Variants in PPP2R2A observed in about 807,000 individuals in gnomAD.
PPP2R2A encodes the protein serine/threonine-protein phosphatase 2A 55 kDa regulatory subunit B alpha isoform.
Under a neutral mutation model 53.2 loss-of-function variants are expected in PPP2R2A, and 9 were observed. The observed-to-expected ratio is 0.17, with a 90% CI of 0.10 to 0.30. The LOEUF (loss-of-function observed/expected upper bound fraction) is 0.30. Ranked by LOEUF, PPP2R2A falls within the 10% of genes least tolerant of loss-of-function variation. The probability of loss-of-function intolerance (pLI) is 1.00; values close to 1 mark genes in which losing one functional copy is unlikely to be tolerated. For synonymous variants in PPP2R2A, 169 were observed against 174.2 expected, an observed-to-expected ratio of 0.97 and a Z score of 0.23; for missense variants, 235 against 534.6, an observed-to-expected ratio of 0.44 and a Z score of 5.53.
intron 3 of PPP2R2A, among the ~76,000 whole-genome samples, chr8:26,346,396 C>T (rs1394397637): frequency 6.6e-6 from 1 of 152,112 alleles, no homozygotes; most frequent in Non-Finnish European, 1.5e-5. Flanking sequence ...CCACTTAGGC[C>T]TCCCAAAGTG....
intron 2 of PPP2R2A, among the ~76,000 whole-genome samples, chr8:26,310,730 A>T: frequency 6.9e-6 from 1 of 145,020 alleles, no homozygotes; most frequent in East Asian, 2.0e-4. Context: ...GTTGGTGTTG[A>T]TTTTTCACTT....
chr8:26,311,828 T>C (rs1044041097), intron 2 of PPP2R2A, among the ~76,000 whole-genome samples: 1 of 152,034 alleles, frequency 6.6e-6, no homozygotes, highest in Non-Finnish European at 1.5e-5. Context: ...GTAATATAAT[T>C]GGGTGGGGTG....
intron 2 of PPP2R2A, among the ~76,000 whole-genome samples, chr8:26,323,841 A>C (rs935152988): frequency 7.3e-5 from 11 of 150,422 alleles, no homozygotes; most frequent in African/African-American, 2.4e-4. Context: ...CTTCAGCCCC[A>C]CTCCCTTCCA....
At position 26,321,762 on chromosome 8, in the gene PPP2R2A, C is replaced by T. The variant is rs928509147; in HGVS notation, c.83-17128C>T. ...TGAGAGACCTTGAACGCAAGGCCCCCTGGCTAAGTCACACCTAGATTCCTG... is the reference window on the plus strand; with the variant it reads ...TGAGAGACCTTGAACGCAAGGCCCCTTGGCTAAGTCACACCTAGATTCCTG... On this transcript the variant is annotated intron_variant, in intron 2 of 9. Coordinates refer to ENST00000380737, the MANE Select transcript of PPP2R2A (RefSeq NM_002717.4). The surrounding 1 kb of genome is among the most constrained non-coding windows in gnomAD (Gnocchi z 4.1). 6.6e-6 allele frequency among the ~76,000 whole-genome samples: 1 copy of T among 152,232 alleles called. No individual in the cohort carries two copies. The highest frequency in any genetic ancestry group is 2.4e-5 in the African/African-American group (1 of 41,466).
chr8:26,302,565 A>G (rs1250593060), intron 2 of PPP2R2A, among the ~76,000 whole-genome samples: 1 of 152,240 alleles, frequency 6.6e-6, no homozygotes, highest in African/African-American at 2.4e-5. Context: ...CAAACCTTCA[A>G]GAATCCACCA....
intron 2 of PPP2R2A, among the ~76,000 whole-genome samples, chr8:26,319,809 C>T (rs929872671): frequency 2.6e-5 from 4 of 152,014 alleles, no homozygotes; most frequent in African/African-American, 9.7e-5. Context: ...AATGTCTTTT[C>T]ATTTATTTAT....
At chr8:26,313,910 C>T (rs1168614595) in intron 2 of PPP2R2A, among the ~76,000 whole-genome samples, 1 of 152,142 alleles carries the variant, frequency 6.6e-6, no homozygotes, top group East Asian at 1.9e-4. Context: ...TGTTTTAAGC[C>T]ACCGAATTTG....
intron 3 of PPP2R2A, among the ~76,000 whole-genome samples, chr8:26,350,387 T>C (rs558789510): frequency 3.3e-5 from 5 of 152,168 alleles, no homozygotes; most frequent in East Asian, 1.9e-4. Flanking sequence ...GTGATTCACA[T>C]TGAGATTGAG....
Position 26,321,332 on chromosome 8 carries a change from A to G in PPP2R2A, c.83-17558A>G, listed in dbSNP as rs1802830307. ...CCAGAGAAATGTGACCTGAGAGAGA[A>G]GCACAAAGTTGAAACTCTGCCCCCA... On this transcript the variant is annotated intron_variant, in intron 2 of 9. Transcript: ENST00000380737. The surrounding 1 kb of genome is among the most constrained non-coding windows in gnomAD (Gnocchi z 4.1). 6.6e-6 allele frequency among the ~76,000 whole-genome samples: 1 copy of G among 152,194 alleles called. No individual in the cohort carries two copies. Among genetic ancestry groups the G allele is most frequent in the South Asian group, 2.1e-4 (1 of 4,820 alleles).
intron 3 of PPP2R2A, among the ~76,000 whole-genome samples, chr8:26,340,613 C>T (rs1194135027): frequency 6.6e-6 from 1 of 151,974 alleles, no homozygotes; most frequent in African/African-American, 2.4e-5. Flanking sequence ...ACAAGTTTGT[C>T]AATTAAAAGC....
At chr8:26,358,437 ATGAC>A (rs1804906899) in intron 4 of PPP2R2A, among the ~76,000 whole-genome samples, 1 of 152,230 alleles carries the variant, frequency 6.6e-6, no homozygotes, top group East Asian at 1.9e-4. Flanking sequence ...GAAAATCTGT[ATGAC>A]TGAACTACAA....
intron 6 of PPP2R2A, among the ~76,000 whole-genome samples, chr8:26,361,990 T>C (rs1170591404): frequency 6.7e-6 from 1 of 148,866 alleles, no homozygotes; most frequent in Non-Finnish European, 1.5e-5. Context: ...GATTTATATA[T>C]ATTATATTAA....
chr8:26,369,863 G>A (rs537211735), intron 9 of PPP2R2A, among the ~76,000 whole-genome samples: 3 of 152,272 alleles, frequency 2.0e-5, no homozygotes, highest in African/African-American at 7.2e-5. Context: ...ACTTAACAAC[G>A]ATAATTCTGC....
At chr8:26,302,790 C>T (rs1801846590) in intron 2 of PPP2R2A, among the ~76,000 whole-genome samples, 1 of 152,082 alleles carries the variant, frequency 6.6e-6, no homozygotes, top group Non-Finnish European at 1.5e-5. Context: ...AGATTTGCAG[C>T]AGTGTAAAGC....
intron 2 of PPP2R2A, chr8:26,333,419 G>T: frequency 1.5e-6 from 1 of 665,546 alleles, no homozygotes; most frequent in Non-Finnish European, 2.1e-6. Context: ...AATACCTTCA[G>T]CTGTATTAAA....
At chr8:26,340,029 A>C (rs1803864356) in intron 3 of PPP2R2A, 1 of 152,140 alleles carries the variant, frequency 6.6e-6, no homozygotes, top group African/African-American at 2.4e-5. Flanking sequence ...GAAGATGCAC[A>C]AACACTAAAT....
At chr8:26,337,516 C>A (rs996531256) in intron 2 of PPP2R2A, among the ~76,000 whole-genome samples, 14 of 152,172 alleles carry the variant, frequency 9.2e-5, no homozygotes, top group African/African-American at 3.1e-4. Flanking sequence ...TATTTTTAAT[C>A]CTTTATTCGC....
intron 2 of PPP2R2A, among the ~76,000 whole-genome samples, chr8:26,297,343 A>C (rs893885197): frequency 6.6e-6 from 1 of 152,082 alleles, no homozygotes; most frequent in Non-Finnish European, 1.5e-5. Flanking sequence ...CCTGACCTCA[A>C]GTGATCCACC....
intron 2 of PPP2R2A, among the ~76,000 whole-genome samples, chr8:26,300,672 G>T (rs1252013759): frequency 6.6e-6 from 1 of 152,122 alleles, no homozygotes; most frequent in African/African-American, 2.4e-5. Context: ...TGGCCAATAT[G>T]GTGAAACACT....
Sources: gnomAD v4.1 joint callset for allele counts (sites outside exome capture counted in the v4.1 genomes callset) on GRCh38, gnomAD v4.1.1 for gene constraint, Gnocchi (gnomAD v3.1) non-coding constraint, MANE v1.5 for transcripts, NCBI Gene and HGNC (gene_info 2026-07-23, HGNC 2026-07-21) for gene names.